ACAA2: variants seen among roughly 807,000 people sequenced by gnomAD.
ACAA2 encodes 3-ketoacyl-CoA thiolase, mitochondrial.
A neutral mutation model predicts 44.8 loss-of-function variants in ACAA2; 35 were observed. The observed-to-expected ratio is 0.78, with a 90% CI of 0.60 to 1.04. The LOEUF is 1.04. Ranked by LOEUF, ACAA2 falls within the 50% of genes least tolerant of loss-of-function variation. The pLI, the probability that ACAA2 is intolerant of heterozygous loss-of-function variation, is 0.00. For synonymous variants in ACAA2, 142 were observed against 166.5 expected (o/e 0.85, Z 1.13); for missense variants, 468 against 482.6 (o/e 0.97, Z 0.28).
intron 7 of ACAA2, among the ~76,000 whole-genome samples, chr18:49,790,499 T>C (rs1212347013): frequency 6.6e-6 from 1 of 152,150 alleles, no homozygotes; most frequent in East Asian, 1.9e-4. Context: ...ACAATTTAGT[T>C]ATTCAAAAAA....
At chr18:49,787,880 A>G (rs920733294) in intron 7 of ACAA2, among the ~76,000 whole-genome samples, 9 of 152,222 alleles carry the variant, frequency 5.9e-5, no homozygotes, top group Admixed American at 3.9e-4. Context: ...ATGCATTCAC[A>G]GCACAGAAGT....
At chr18:49,812,845 A>T (rs986362933) in intron 1 of ACAA2, 2 of 152,340 alleles carry the variant, frequency 1.3e-5, no homozygotes, top group South Asian at 4.2e-4. Flanking sequence ...CGACTCGTAC[A>T]TCCTTAAAGT....
At chr18:49,803,502 G>C (rs989456089) in intron 1 of ACAA2, among the ~76,000 whole-genome samples, 3 of 152,146 alleles carry the variant, frequency 2.0e-5, no homozygotes, top group Non-Finnish European at 4.4e-5. Context: ...CTCTTAAGAC[G>C]CAAGTTGGTG....
intron 8 of ACAA2, chr18:49,786,506 AT>A (rs1306010521): frequency 1.3e-5 from 2 of 152,184 alleles, no homozygotes; most frequent in Non-Finnish European, 2.9e-5. Flanking sequence ...AAGATAAACC[AT>A]TTGTCTGAAA....
rs2023696371 is a variant in ACAA2 at position 49,813,512 on chromosome 18, G to C, written c.-28C>G. On this transcript the variant is annotated 5_prime_UTR_variant, in exon 1 of 10. Coordinates refer to ENST00000285093, the MANE Select transcript of ACAA2 (RefSeq NM_006111.3). ...CGGCTGCTGGGTCGTCGGCGGCGCG[G>C]GTCTGTGGTGTGGGGGACGCTGAGC... The C allele has an allele frequency of 4.0e-6, 5 of 1,239,218 alleles. No homozygotes were observed. The highest frequency in any genetic ancestry group is 1.6e-5 in the African/African-American group (1 of 64,422). 76.8% of individuals were successfully genotyped at this position (1,239,218 alleles called of 1,614,324 possible).
Position 49,783,739 on chromosome 18 carries a change from T to A in ACAA2, c.*108A>T. 1 of 843,858 alleles carries A rather than the reference T, an allele frequency of 1.2e-6. No homozygotes were observed. Among genetic ancestry groups the A allele is most frequent in the East Asian group, 2.6e-5 (1 of 37,796 alleles). The allele number at this position is 843,858 out of a possible 1,614,324, so 52.3% of individuals were successfully genotyped here. A position where few individuals can be genotyped will look rare whatever the true frequency, so the allele number is the denominator to read the frequency against. On this transcript the variant is annotated 3_prime_UTR_variant, in exon 10 of 10. Transcript: ENST00000285093. Reference sequence around the variant, plus strand: ...GGCTTGATCAAACTTAATCACTGTTTCAATGGCAGGGCATGGCCAGTTGTG... The same window carrying A: ...GGCTTGATCAAACTTAATCACTGTTACAATGGCAGGGCATGGCCAGTTGTG...
In ACAA2 at chr18:49,791,506, A is replaced by C; in HGVS notation, c.847T>G (p.Phe283Val). ...ATAGAGGGATCACATCCAGATACAA[A>C]GTAGCCCACAATTCTTGCCAGTGGT... Reference protein sequence around the residue: ...FTPLARIVGYFVSGCDPSIMG... With the variant: ...FTPLARIVGYVVSGCDPSIMG... The change falls in exon 7 of 10, where the codon TTT becomes GTT. Residue 283 changes from phenylalanine (F) to valine (V), a missense_variant. Phe to Val is a conservative substitution (Grantham distance 50, BLOSUM62 -1). Coordinates refer to ENST00000285093, the MANE Select transcript of ACAA2 (RefSeq NM_006111.3). The C allele has an allele frequency of 6.2e-7, 1 of 1,612,394 alleles. No individual in the cohort carries two copies. The highest frequency in any genetic ancestry group is 8.5e-7 in the Non-Finnish European group (1 of 1,179,840).
chr18:49,796,267 T>A (rs887994462), intron 3 of ACAA2, among the ~76,000 whole-genome samples: 1 of 152,190 alleles, frequency 6.6e-6, no homozygotes. Context: ...TTAATGGATG[T>A]ATCTGAACAA....
chr18:49,795,278 G>C (rs1182651751), intron 4 of ACAA2, among the ~76,000 whole-genome samples: 4 of 152,118 alleles, frequency 2.6e-5, no homozygotes, highest in African/African-American at 9.7e-5. Flanking sequence ...AAAGATAAAA[G>C]AATCAGTTTT....
At chr18:49,800,254 G>C (rs1352500010) in intron 2 of ACAA2, among the ~76,000 whole-genome samples, 1 of 146,486 alleles carries the variant, frequency 6.8e-6, no homozygotes, top group Non-Finnish European at 1.5e-5. Flanking sequence ...CAGCCGCCCC[G>C]TCCGGGAGGG....
intron 7 of ACAA2, among the ~76,000 whole-genome samples, chr18:49,791,144 T>G (rs1424525272): frequency 5.3e-5 from 8 of 152,238 alleles, no homozygotes. Context: ...TCTTTTATCT[T>G]GTCAGGATCA....
chr18:49,801,894 T>C (rs192680090), intron 2 of ACAA2, among the ~76,000 whole-genome samples: 296 of 151,260 alleles, frequency 2.0e-3, no homozygotes, highest in Non-Finnish European at 3.5e-3. Context: ...TCTAACTAGG[T>C]ATCCAACAAA....
chr18:49,791,252 A>C (rs892694200), intron 7 of ACAA2, among the ~76,000 whole-genome samples: 3 of 152,256 alleles, frequency 2.0e-5, no homozygotes, highest in Non-Finnish European at 4.4e-5. Context: ...TCAAATGGAC[A>C]CTAAGATATG....
chr18:49,795,790 C>A lies in ACAA2; in HGVS notation c.404G>T (p.Gly135Val). Residue 135 changes from glycine to valine, a missense_variant, in exon 4 of 10, where the codon GGA (glycine) becomes GTA (valine). Transcript: ENST00000285093. ...APYCVRNVRFGTKLGSDIKLE... is the reference protein window; with the variant it reads ...APYCVRNVRFVTKLGSDIKLE... The stretch of plus-strand genomic sequence containing the variant: ...CTTGATATCTGATCCAAGCTTGGTT[C>A]CAAAACGCACATTTCTGACACAGTA... 6.2e-7 allele frequency: 1 copy of A among 1,607,880 alleles called. No homozygotes were observed. Among genetic ancestry groups the A allele is most frequent in the Non-Finnish European group, 8.5e-7 (1 of 1,177,252 alleles).
chr18:49,813,345 A>C, intron 1 of ACAA2, 124 bp downstream of exon 1: 1 of 762,348 alleles, frequency 1.3e-6, no homozygotes, highest in Non-Finnish European at 1.8e-6. Flanking sequence ...CCGCTCCAAA[A>C]CCGAGGAGGT....
At chr18:49,790,253 GAC>G (rs1312704060) in intron 7 of ACAA2, among the ~76,000 whole-genome samples, 2 of 152,164 alleles carry the variant, frequency 1.3e-5, no homozygotes, top group African/African-American at 4.8e-5. Flanking sequence ...ATAAATTTGA[GAC>G]ACATAGTGAA....
At chr18:49,794,972 A>C (rs2023449020) in intron 4 of ACAA2, among the ~76,000 whole-genome samples, 1 of 152,204 alleles carries the variant, frequency 6.6e-6, no homozygotes, top group African/African-American at 2.4e-5. Context: ...TCAAGTAGTT[A>C]GTCTCTGGTA....
chr18:49,783,836 C>T lies in ACAA2; in HGVS notation c.*11G>A. On this transcript the variant is annotated 3_prime_UTR_variant, in exon 10 of 10. Coordinates refer to ENST00000285093, the MANE Select transcript of ACAA2 (RefSeq NM_006111.3). The stretch of plus-strand genomic sequence containing the variant: ...GAGTAAGGATGGGTCACAGTGAGCT[C>T]ACTGGTCTCTTCAGGCTGTGCTCTG... The T allele has an allele frequency of 1.2e-6, 2 of 1,611,128 alleles. No individual in the cohort carries two copies. The highest frequency in any genetic ancestry group is 1.7e-6 in the Non-Finnish European group (2 of 1,178,348).
rs945349253 is a variant in ACAA2 at position 49,789,938 on chromosome 18, C to T, written c.883+1532G>A. Among the ~76,000 whole-genome samples, 6 of 152,172 alleles carry T rather than the reference C, an allele frequency of 3.9e-5. No individual in the cohort carries two copies. The East Asian group carries it at 7.7e-4, about 20-fold the overall frequency. On this transcript the variant is annotated intron_variant, in intron 7 of 9. Transcript: ENST00000285093. Reference sequence around the variant, plus strand: ...CTGCACTCCAGCCTGGGTGACAAAGCGAGACTCTGTGTCAAAAACAAAAAA... The same window carrying T: ...CTGCACTCCAGCCTGGGTGACAAAGTGAGACTCTGTGTCAAAAACAAAAAA...
Sources: gnomAD v4.1 joint callset for allele counts (sites outside exome capture counted in the v4.1 genomes callset) on GRCh38, gnomAD v4.1.1 for gene constraint, MANE v1.5 for transcripts, NCBI Gene and HGNC (gene_info 2026-07-23, HGNC 2026-07-21) for gene names.